Variants in GABRD observed in about 807,000 individuals in gnomAD.
GABRD encodes gamma-aminobutyric acid receptor subunit delta.
A neutral mutation model predicts 47.3 loss-of-function variants in GABRD; 25 were observed. The ratio of observed to expected loss-of-function variants is 0.53; its 90% CI spans 0.39 to 0.74. The LOEUF is 0.74. GABRD is among the 30% of genes least tolerant of loss of function. The probability of loss-of-function intolerance (pLI) is 0.00; values close to 1 mark genes in which losing one functional copy is unlikely to be tolerated. For missense variants in GABRD, 497 were observed against 643.4 expected, an observed-to-expected ratio of 0.77 and a Z score of 2.46; for synonymous variants, 314 against 278.8, an observed-to-expected ratio of 1.13 and a Z score of -1.26.
intron 1 of GABRD, among the ~76,000 whole-genome samples, chr1:2,021,991 C>T (rs1658792304): frequency 6.6e-6 from 1 of 152,178 alleles, no homozygotes; most frequent in South Asian, 2.1e-4. Context: ...GAGGGGGAAG[C>T]TGCCATGTCT....
intron 1 of GABRD, 131 bp from the exon 2 acceptor site, chr1:2,024,810 AG>A (rs1381877112): frequency 1.6e-6 from 1 of 634,928 alleles, no homozygotes; most frequent in Non-Finnish European, 2.8e-6. Flanking sequence ...CCCACCTGCA[AG>A]GGCTCCCACA....
intron 2 of GABRD, 89 bp from the exon 3 acceptor site, chr1:2,025,245 T>C: frequency 6.7e-7 from 1 of 1,494,964 alleles, no homozygotes; most frequent in African/African-American, 1.4e-5. Context: ...GATGGCCGAC[T>C]GCCTGTGACT....
chr1:2,019,506 T>A lies in GABRD; in HGVS notation c.68+15T>A. 1 of 392,148 alleles carries A rather than the reference T, an allele frequency of 2.6e-6. No homozygotes were observed. The highest frequency in any genetic ancestry group is 3.6e-6 in the Non-Finnish European group (1 of 281,336). 24.3% of individuals were successfully genotyped at this position (392,148 alleles called of 1,614,324 possible). A position where few individuals can be genotyped will look rare whatever the true frequency, so the allele number is the denominator to read the frequency against. ...CGCGGCACCAGGTGAGCGGGCGGGG[T>A]CCGCGCGGCGCGGGGTCGGGGGCGG... On this transcript the variant is annotated intron_variant, in intron 1 of 8. Coordinates refer to ENST00000378585, the MANE Select transcript of GABRD (RefSeq NM_000815.5).
chr1:2,030,098 G>T lies in GABRD; in HGVS notation c.1175G>T (p.Arg392Met). The T allele has an allele frequency of 6.3e-7, 1 of 1,595,790 alleles. No homozygotes were observed. The highest frequency in any genetic ancestry group is 8.5e-7 in the Non-Finnish European group (1 of 1,171,022). The change falls in exon 9 of 9, where the codon AGG (arginine) becomes ATG (methionine). Residue 392 changes from arginine to methionine, a missense_variant. By Grantham distance (91) the Arg-to-Met change is moderately conservative. Around this residue, in one of 3 missense-constraint regions of GABRD, gnomAD observed 121 missense variants for 121.3 expected, o/e 1.00. Transcript: ENST00000378585. ...RVPGNLMGSY[R>M]SVGVETGETK... ...CCGGGGAACCTGATGGGCTCCTACA[G>T]GTCGGTGGGGGTGGAGACAGGGGAG...
rs771484759 is a variant in GABRD at position 2,028,252 on chromosome 1, C to T, written c.651C>T (p.Thr217=). The T allele has an allele frequency of 6.2e-6, 10 of 1,612,244 alleles. No homozygotes were observed. Among genetic ancestry groups the T allele is most frequent in the South Asian group, 3.3e-5 (3 of 91,034 alleles). The change falls in exon 6 of 9, where the codon ACC becomes ACT. Residue 217 remains threonine, a synonymous_variant. Coordinates refer to ENST00000378585, the MANE Select transcript of GABRD (RefSeq NM_000815.5). The surrounding 1 kb of genome is among the most constrained non-coding windows in gnomAD (Gnocchi z 6.4). ...DKLQLAQFTI[T]SYRFTTELMN... ...TGCAGCTGGCGCAGTTCACCATCACCAGCTACCGCTTCACCACGGAGCTGA... is the reference window on the plus strand; with the variant it reads ...TGCAGCTGGCGCAGTTCACCATCACTAGCTACCGCTTCACCACGGAGCTGA...
At chr1:2,027,461 A>C in intron 4 of GABRD, 116 bp from the exon 5 acceptor site, 1 of 793,556 alleles carries the variant, frequency 1.3e-6, no homozygotes, top group South Asian at 1.5e-5. Context: ...ACACAGTCTG[A>C]GAAGTAGCTG....
At position 2,028,946 on chromosome 1, in the gene GABRD, GC is replaced by G. The variant is rs990466794; in HGVS notation, c.692-160del. 2 of 815,726 alleles carry G rather than the reference GC, an allele frequency of 2.5e-6. No individual in the cohort carries two copies. Among genetic ancestry groups the G allele is most frequent in the Non-Finnish European group, 3.8e-6 (2 of 530,342 alleles). The allele number at this position is 815,726 out of a possible 1,614,324, so 50.5% of individuals were successfully genotyped here. On this transcript the variant is annotated intron_variant, in intron 6 of 8. Coordinates refer to ENST00000378585, the MANE Select transcript of GABRD (RefSeq NM_000815.5). The surrounding 1 kb of genome is among the most constrained non-coding windows in gnomAD (Gnocchi z 6.4). ...CCTGTGGCCAGACCTAGGGCCGGAG[GC>G]CCCCTGACATTTCAGGCCATGTGGT...
rs1659003708 is a variant in GABRD, at chr1:2,028,828, G to C, written c.692-283G>C. The C allele has an allele frequency of 4.0e-6, 2 of 504,138 alleles. No homozygotes were observed. The highest frequency in any genetic ancestry group is 7.0e-6 in the Non-Finnish European group (2 of 285,470). The allele number at this position is 504,138 out of a possible 1,614,324, so 31.2% of individuals were successfully genotyped here. On this transcript the variant is annotated intron_variant, in intron 6 of 8. Coordinates refer to ENST00000378585, the MANE Select transcript of GABRD (RefSeq NM_000815.5). The surrounding 1 kb of genome is among the most constrained non-coding windows in gnomAD (Gnocchi z 6.4). ...GTGAGCCCTCCCCATTGGTTGCGAG[G>C]GTCCCTCAGGGCCAGTCCAGCAAAC... is the stretch of plus-strand genomic sequence containing the variant.
At chr1:2,025,839 T>A in intron 4 of GABRD, 101 bp downstream of exon 4, 1 of 1,045,538 alleles carries the variant, frequency 9.6e-7, no homozygotes, top group Non-Finnish European at 1.4e-6. Context: ...CGGCTTCTGC[T>A]GCCGGGAGCT....
At position 2,029,142 on chromosome 1, in the gene GABRD, C is replaced by T; in HGVS notation, c.723C>T (p.Phe241=). 1 of 1,545,464 alleles carries T rather than the reference C, an allele frequency of 6.5e-7. No individual in the cohort carries two copies. The change falls in exon 7 of 9, where the codon TTC becomes TTT. Residue 241 remains phenylalanine (F), a synonymous_variant. Transcript: ENST00000378585. ...AGQFPRLSLH[F]HLRRNRGVYI... ...AGTTCCCACGGCTCAGCCTGCACTT[C>T]CACCTGCGGAGGAACCGCGGCGTGT...
At chr1:2,023,479 TG>T in intron 1 of GABRD, 1 of 151,954 alleles carries the variant, frequency 6.6e-6, no homozygotes, top group East Asian at 2.0e-4. Flanking sequence ...GGCAGTCAGT[TG>T]CGTCCTGGGG....
In GABRD at chr1:2,019,388, A is replaced by G; in HGVS notation, c.-36A>G. Reference sequence around the variant, plus strand: ...CCGCCTGTGCGGCCGCCGGGAGCCAAGTTTGCGCGGACCCCGTCCCGAGCC... The same window carrying G: ...CCGCCTGTGCGGCCGCCGGGAGCCAGGTTTGCGCGGACCCCGTCCCGAGCC... On this transcript the variant is annotated 5_prime_UTR_variant, in exon 1 of 9. Transcript: ENST00000378585. 1.9e-6 allele frequency: 2 copies of G among 1,031,176 alleles called. No homozygotes were observed. The highest frequency in any genetic ancestry group is 2.3e-6 in the Non-Finnish European group (2 of 862,196). The allele number at this position is 1,031,176 out of a possible 1,614,324, so 63.9% of individuals were successfully genotyped here. A position where few individuals can be genotyped will look rare whatever the true frequency, so the allele number is the denominator to read the frequency against.
intron 3 of GABRD, 52 bp downstream of exon 3, chr1:2,025,453 C>A: frequency 6.2e-7 from 1 of 1,611,674 alleles, no homozygotes. Context: ...ACAGCCTCTG[C>A]CCTGGGCTGC....
At position 2,029,276 on chromosome 1, in the gene GABRD, C is replaced by A. The variant is rs1659017768; in HGVS notation, c.847+10C>A. The stretch of plus-strand genomic sequence containing the variant: ...GCCAGGGTGTCTCTAGGTACGGGGC[C>A]TCGCCGCTGCTCCGAGGGAGCTGGA... On this transcript the variant is annotated intron_variant, in intron 7 of 8. Coordinates refer to ENST00000378585, the MANE Select transcript of GABRD (RefSeq NM_000815.5). 2 of 1,549,412 alleles carry A rather than the reference C, an allele frequency of 1.3e-6. No individual in the cohort carries two copies. Among genetic ancestry groups the A allele is most frequent in the African/African-American group, 1.4e-5 (1 of 73,302 alleles).
At chr1:2,021,129 C>T (rs1455463526) in intron 1 of GABRD, among the ~76,000 whole-genome samples, 1 of 152,216 alleles carries the variant, frequency 6.6e-6, no homozygotes, top group Admixed American at 6.5e-5. Flanking sequence ...AAGAGGGGTG[C>T]CGTTGGGGAG....
In GABRD at chr1:2,029,094, G is replaced by T; in HGVS notation, c.692-17G>T. ...GCTGGGCAGGGATGGGGGCACTGAC[G>T]GTGGCTGTCCTGGCAGCTGGCCAGT... On this transcript the variant is annotated splice_polypyrimidine_tract_variant and intron_variant, in intron 6 of 8. Transcript: ENST00000378585. 1 of 1,539,070 alleles carries T rather than the reference G, an allele frequency of 6.5e-7. No individual in the cohort carries two copies. The highest frequency in any genetic ancestry group is 8.7e-7 in the Non-Finnish European group (1 of 1,146,824).
chr1:2,029,324 C>T, intron 7 of GABRD, 58 bp downstream of exon 7: 10 of 1,511,398 alleles, frequency 6.6e-6, no homozygotes, highest in Non-Finnish European at 8.9e-6. Context: ...GGGAACAGGA[C>T]TCCCCATCCC....
rs760037744 is a variant in GABRD, at chr1:2,028,251, C to T, written c.650C>T (p.Thr217Ile). 9 of 1,612,282 alleles carry T rather than the reference C, an allele frequency of 5.6e-6. No homozygotes were observed. The highest frequency in any genetic ancestry group is 3.3e-5 in the South Asian group (3 of 91,036). Residue 217 changes from threonine (T) to isoleucine (I), a missense_variant, in exon 6 of 9, where the codon ACC becomes ATC. Thr to Ile is a moderately conservative substitution (Grantham distance 89). This residue lies in a region of GABRD where 285 missense variants were observed against 436.6 expected (regional missense o/e 0.65). Transcript: ENST00000378585. The surrounding 1 kb of genome is among the most constrained non-coding windows in gnomAD (Gnocchi z 6.4). ...DKLQLAQFTITSYRFTTELMN... is the reference protein window; with the variant it reads ...DKLQLAQFTIISYRFTTELMN... ...CTGCAGCTGGCGCAGTTCACCATCACCAGCTACCGCTTCACCACGGAGCTG... is the reference window on the plus strand; with the variant it reads ...CTGCAGCTGGCGCAGTTCACCATCATCAGCTACCGCTTCACCACGGAGCTG...
chr1:2,024,229 G>T (rs552272546), intron 1 of GABRD: 85 of 152,664 alleles, frequency 5.6e-4, no homozygotes, highest in Non-Finnish European at 8.8e-4. Context: ...GGCCGGGGGG[G>T]TGCTGGGGTG....
Sources: gnomAD v4.1 joint callset for allele counts (sites outside exome capture counted in the v4.1 genomes callset) on GRCh38, gnomAD v4.1.1 for gene constraint, gnomAD v4.1.1 regional missense constraint, Gnocchi (gnomAD v3.1) non-coding constraint, MANE v1.5 for transcripts, NCBI Gene and HGNC (gene_info 2026-07-23, HGNC 2026-07-21) for gene names.